COBLL1: variants seen among roughly 807,000 people sequenced by gnomAD.
The protein encoded by COBLL1 is cordon-bleu protein-like 1.
COBLL1 carries 50 observed loss-of-function variants against 94.8 expected under a neutral mutation model. The observed-to-expected ratio is 0.53, with a 90% confidence interval of 0.42 to 0.67. COBLL1 has a LOEUF of 0.67. Ranked by LOEUF, COBLL1 falls within the 30% of genes least tolerant of loss-of-function variation. COBLL1 has a pLI of 0.00. For missense variants in COBLL1, 1,362 were observed against 1,348.7 expected, an observed-to-expected ratio of 1.01 and a Z score of -0.15; for synonymous variants, 448 against 473.8, an observed-to-expected ratio of 0.95 and a Z score of 0.71.
At chr2:164,712,745 G>T (rs534638820) in intron 7 of COBLL1, among the ~76,000 whole-genome samples, 1 of 151,130 alleles carries the variant, frequency 6.6e-6, no homozygotes, top group African/African-American at 2.5e-5. Flanking sequence ...TGCAAAATAA[G>T]CTGTGAGTTT....
chr2:164,740,407 A>T (rs1055636185), intron 3 of COBLL1, among the ~76,000 whole-genome samples: 1 of 151,802 alleles, frequency 6.6e-6, no homozygotes, highest in Admixed American at 6.6e-5. Flanking sequence ...TCTCAGAAAA[A>T]CTCTTCAGCC....
At chr2:164,711,314 T>C (rs1254477621) in intron 7 of COBLL1, among the ~76,000 whole-genome samples, 1 of 152,198 alleles carries the variant, frequency 6.6e-6, no homozygotes, top group Non-Finnish European at 1.5e-5. Context: ...GTTCTGCAAA[T>C]AAAATAAGAA....
chr2:164,795,778 T>A (rs1381155598), intron 2 of COBLL1, among the ~76,000 whole-genome samples: 6 of 152,230 alleles, frequency 3.9e-5, no homozygotes, highest in Non-Finnish European at 2.9e-5. Context: ...ACATTTTCTT[T>A]AAAAACTGAG....
intron 3 of COBLL1, among the ~76,000 whole-genome samples, chr2:164,740,986 C>A (rs185698437): frequency 3.3e-3 from 499 of 152,094 alleles, no homozygotes; most frequent in African/African-American, 0.012. Flanking sequence ...TTAAGATACA[C>A]AAAGAAGGGC....
At chr2:164,805,333 CTCTCTATA>C (rs1177989718) in intron 2 of COBLL1, among the ~76,000 whole-genome samples, 5 of 20,558 alleles carry the variant, frequency 2.4e-4, no homozygotes, top group African/African-American at 3.8e-4. Flanking sequence ...CTCTCTCTCT[CTCTCTATA>C]TATATATATA....
intron 5 of COBLL1, among the ~76,000 whole-genome samples, chr2:164,725,360 C>T (rs1040195624): frequency 2.0e-5 from 3 of 151,946 alleles, no homozygotes; most frequent in African/African-American, 7.2e-5. Context: ...TTACTCAGAA[C>T]AGTAGATGAA....
intron 2 of COBLL1, among the ~76,000 whole-genome samples, chr2:164,745,126 G>C (rs901842249): frequency 2.2e-4 from 34 of 151,980 alleles, no homozygotes; most frequent in African/African-American, 3.1e-4. Context: ...GGATCAAAAG[G>C]CTTCTTTATA....
At position 164,821,192 on chromosome 2, in the gene COBLL1, C is replaced by T. The variant is rs189219412; in HGVS notation, c.41+19964G>A. Among the ~76,000 whole-genome samples, 21 of 152,164 alleles carry T rather than the reference C, an allele frequency of 1.4e-4. No homozygotes were observed. In the East Asian group the frequency reaches 4.1e-3, roughly 29 times the overall value. ...ATGAGCCACTGTGCCCAGCCATGGA[C>T]AATTTTTAATTAGATGAGTATCCAT... is the stretch of plus-strand genomic sequence containing the variant. On this transcript the variant is annotated intron_variant, in intron 2 of 13. Coordinates refer to ENST00000652658, the MANE Select transcript of COBLL1 (RefSeq NM_001365672.2).
intron 3 of COBLL1, among the ~76,000 whole-genome samples, chr2:164,730,636 T>G (rs186547950): frequency 6.6e-6 from 1 of 152,340 alleles, no homozygotes; most frequent in African/African-American, 2.4e-5. Flanking sequence ...TAGATCCTAG[T>G]GTCAGTTCAA....
At chr2:164,708,361 TG>T (rs997695229) in intron 7 of COBLL1, among the ~76,000 whole-genome samples, 5 of 152,040 alleles carry the variant, frequency 3.3e-5, no homozygotes, top group Non-Finnish European at 7.4e-5. Context: ...GGGGTAGGCA[TG>T]GGGGTGGATT....
At chr2:164,837,141 T>C (rs1683353382) in intron 2 of COBLL1, among the ~76,000 whole-genome samples, 1 of 152,226 alleles carries the variant, frequency 6.6e-6, no homozygotes, top group Non-Finnish European at 1.5e-5. Context: ...AAGAGAGCTT[T>C]TGTCCCCTCT....
chr2:164,714,537 C>T (rs550502097), intron 7 of COBLL1, among the ~76,000 whole-genome samples: 197 of 152,098 alleles, frequency 1.3e-3, no homozygotes, highest in African/African-American at 4.5e-3. Context: ...AGAAGTTAAC[C>T]GAGTTTAGGA....
intron 2 of COBLL1, among the ~76,000 whole-genome samples, chr2:164,748,149 A>G (rs147675459): frequency 3.5e-4 from 53 of 152,284 alleles, no homozygotes; most frequent in Middle Eastern, 6.8e-3. Context: ...GTTAGTTCCC[A>G]ATTGTGATCC....
chr2:164,694,214 C>G lies in COBLL1; in HGVS notation c.3123+55G>C. On this transcript the variant is annotated intron_variant, in intron 12 of 13. Coordinates refer to ENST00000652658, the MANE Select transcript of COBLL1 (RefSeq NM_001365672.2). The stretch of plus-strand genomic sequence containing the variant: ...CAAACATCAACATGCTTGTTAACCC[C>G]CATTAAACCATGTCATTAAATTTGA... 2.7e-6 allele frequency: 4 copies of G among 1,501,710 alleles called. No homozygotes were observed. In the South Asian group the frequency reaches 5.1e-5, roughly 19 times the overall value. 93.0% of individuals were successfully genotyped at this position (1,501,710 alleles called of 1,614,324 possible). A position where few individuals can be genotyped will look rare whatever the true frequency, so the allele number is the denominator to read the frequency against.
Position 164,730,081 on chromosome 2 carries a change from C to A in COBLL1, c.265G>T (p.Ala89Ser). 2 of 1,613,880 alleles carry A rather than the reference C, an allele frequency of 1.2e-6. No individual in the cohort carries two copies. The highest frequency in any genetic ancestry group is 1.7e-6 in the Non-Finnish European group (2 of 1,179,854). Residue 89 changes from alanine to serine, a missense_variant, in exon 4 of 14, where the codon GCA (alanine) becomes TCA (serine). Ala to Ser is a moderately conservative substitution (Grantham distance 99). Coordinates refer to ENST00000652658, the MANE Select transcript of COBLL1 (RefSeq NM_001365672.2). ...CTTGATGGATTTAAGTGATACTGTG[C>A]ACAAAGGAATATCAACAAGTCCATC... is the stretch of plus-strand genomic sequence containing the variant. ...PMMDLLIFLC[A>S]QYHLNPSSYT...
intron 7 of COBLL1, among the ~76,000 whole-genome samples, chr2:164,707,807 C>G: frequency 6.6e-6 from 1 of 152,238 alleles, no homozygotes; most frequent in South Asian, 2.1e-4. Flanking sequence ...TACAAGACAA[C>G]GTAGGTACCT....
intron 1 of COBLL1, among the ~76,000 whole-genome samples, chr2:164,667,330 T>C (rs1341657720): frequency 6.6e-6 from 1 of 152,228 alleles, no homozygotes; most frequent in East Asian, 1.9e-4. Flanking sequence ...AGGACGCTCA[T>C]ATTTTTTGGA....
At chr2:164,703,239 C>T in intron 9 of COBLL1, 2 of 1,546,454 alleles carry the variant, frequency 1.3e-6, no homozygotes, top group African/African-American at 2.7e-5. Flanking sequence ...GAAGTAGAAT[C>T]TGTAGAAATG....
At chr2:164,828,819 T>TC (rs1682913203) in intron 2 of COBLL1, among the ~76,000 whole-genome samples, 1 of 152,246 alleles carries the variant, frequency 6.6e-6, no homozygotes, top group Non-Finnish European at 1.5e-5. Context: ...TAACCATGTG[T>TC]CATGTAATAT....
Sources: allele counts gnomAD v4.1 joint callset (sites outside exome capture counted in the v4.1 genomes callset), GRCh38; gene constraint gnomAD v4.1.1; transcripts MANE v1.5; gene names NCBI Gene and HGNC (gene_info 2026-07-23, HGNC 2026-07-21).